Variants in PSMC5 observed in about 807,000 individuals in gnomAD.
PSMC5 encodes 26S proteasome regulatory subunit 8.
In PSMC5, 11 loss-of-function variants were observed where a neutral mutation model predicts 49.1. The observed-to-expected ratio is 0.22, with a 90% CI of 0.14 to 0.37. The LOEUF is 0.37. PSMC5 is among the 10% of genes least tolerant of loss of function. The probability of loss-of-function intolerance (pLI) is 1.00; values close to 1 mark genes in which losing one functional copy is unlikely to be tolerated. For synonymous variants in PSMC5, 206 were observed against 192.2 expected, an observed-to-expected ratio of 1.07 and a Z score of -0.59; for missense variants, 229 against 520.9, an observed-to-expected ratio of 0.44 and a Z score of 5.45.
At chr17:63,827,728 G>A (rs555128620) in intron 1 of PSMC5, 19 of 1,435,610 alleles carry the variant, frequency 1.3e-5, no homozygotes, top group Non-Finnish European at 1.6e-5. Context: ...GGTAGAAGCG[G>A]AGTGAGTGAG....
Position 63,829,856 on chromosome 17 carries a change from C to A in PSMC5, c.171C>A (p.Arg57=). 6.2e-7 allele frequency: 1 copy of A among 1,614,136 alleles called. No homozygotes were observed. Among genetic ancestry groups the A allele is most frequent in the Admixed American group, 1.7e-5 (1 of 60,014 alleles). Residue 57 remains arginine (R), a synonymous_variant, in exon 4 of 12, where the codon CGC becomes CGA. Transcript: ENST00000310144. The part of the protein sequence containing the change: ...AQRNELNAKV[R]LLREELQLLQ... Reference sequence around the variant, plus strand: ...CTGTGTCTGTTTGCCATCTAGTTCGCCTATTGCGGGAGGAGCTACAGCTGC... The same window carrying A: ...CTGTGTCTGTTTGCCATCTAGTTCGACTATTGCGGGAGGAGCTACAGCTGC...
rs2040171579 is a variant in PSMC5, at chr17:63,830,620, T to C, written c.552+119T>C. On this transcript the variant is annotated intron_variant, in intron 6 of 11. Transcript: ENST00000310144. This position sits in a 1 kb window ranked among gnomAD's most constrained non-coding sequence, Gnocchi z 4.0. ...GGCTGCATCTTGCTTGGGCTGGCCC[T>C]CCCCCTGAAAAGAGTGGCTGGGGAA... 6.7e-7 allele frequency: 1 copy of C among 1,490,376 alleles called. No individual in the cohort carries two copies. 92.3% of individuals were successfully genotyped at this position (1,490,376 alleles called of 1,614,324 possible).
Position 63,832,016 on chromosome 17 carries a change from A to C in PSMC5, c.*47A>C. 1 of 1,557,404 alleles carries C rather than the reference A, an allele frequency of 6.4e-7. No homozygotes were observed. The highest frequency in any genetic ancestry group is 8.9e-7 in the Non-Finnish European group (1 of 1,128,470). On this transcript the variant is annotated 3_prime_UTR_variant, in exon 12 of 12. Transcript: ENST00000310144. ...CTCTCCAATAAAGCTCTGTGGGCCA[A>C]GTCCTCTAGGACTCCAGTCTGTTAA...
At chr17:63,829,978 C>G (rs1370071589) in intron 4 of PSMC5, 29 bp downstream of exon 4, 1 of 1,590,564 alleles carries the variant, frequency 6.3e-7, no homozygotes, top group African/African-American at 1.3e-5. Context: ...CAGGGACCAG[C>G]TCGGTCTCCA....
Position 63,828,105 on chromosome 17 carries a change from A to AC in PSMC5, c.25-31dup, listed in dbSNP as rs768305997. On this transcript the variant is annotated intron_variant, in intron 1 of 11. Coordinates refer to ENST00000310144, the MANE Select transcript of PSMC5 (RefSeq NM_002805.6). ...GTGGCTTTACCCCCTCGGATGTTTAACCTGTCGTTTAAGACTCACTCTGTG... is the reference window on the plus strand; with the variant it reads ...GTGGCTTTACCCCCTCGGATGTTTAACCCTGTCGTTTAAGACTCACTCTGTG... 1.7e-5 allele frequency: 27 copies of AC among 1,613,202 alleles called. No individual in the cohort carries two copies. In the Admixed American group the frequency reaches 4.5e-4, roughly 27 times the overall value.
intron 2 of PSMC5, 108 bp from the exon 3 acceptor site, chr17:63,829,386 C>T: frequency 2.1e-6 from 2 of 942,084 alleles, no homozygotes; most frequent in African/African-American, 1.6e-5. Context: ...ATGCAGGTGC[C>T]CTGTGCCCTT....
Position 63,831,681 on chromosome 17 carries a change from G to A in PSMC5, c.1081-43G>A. 3.1e-6 allele frequency: 5 copies of A among 1,613,598 alleles called. No individual in the cohort carries two copies. The South Asian group carries it at 3.3e-5, about 11-fold the overall frequency. ...AGCTCTGGGCTCAAGGGCCACAGAT[G>A]AGGGGCACAGCAGTGGGGCCTCAAT... On this transcript the variant is annotated intron_variant, in intron 10 of 11. Transcript: ENST00000310144. This position sits in a 1 kb window ranked among gnomAD's most constrained non-coding sequence, Gnocchi z 6.3.
chr17:63,829,744 C>T lies in PSMC5; in HGVS notation c.167-108C>T, dbSNP rs945770160. 9.0e-6 allele frequency: 12 copies of T among 1,340,416 alleles called. No homozygotes were observed. The African/African-American group carries it at 1.6e-4, about 18-fold the overall frequency. The allele number at this position is 1,340,416 out of a possible 1,614,324, so 83.0% of individuals were successfully genotyped here. A position where few individuals can be genotyped will look rare whatever the true frequency, so the allele number is the denominator to read the frequency against. ...CCTCCTTAAATACATGAATTTTGAC[C>T]TTTGGCCTTCCTTTAATAAGAGTGA... On this transcript the variant is annotated intron_variant, in intron 3 of 11. Coordinates refer to ENST00000310144, the MANE Select transcript of PSMC5 (RefSeq NM_002805.6).
intron 2 of PSMC5, 52 bp from the exon 3 acceptor site, chr17:63,829,442 T>G: frequency 6.6e-7 from 1 of 1,520,120 alleles, no homozygotes. Flanking sequence ...AGATCCTACC[T>G]CCTCCTGTCT....
chr17:63,829,087 G>T, intron 2 of PSMC5: 1 of 181,108 alleles, frequency 5.5e-6, no homozygotes, highest in East Asian at 1.5e-4. Flanking sequence ...TTTGGTAACA[G>T]ATCTAGATTT....
In PSMC5 at chr17:63,831,961, T is replaced by C; in HGVS notation, c.1213T>C (p.Trp405Arg). The change falls in exon 12 of 12, where the codon TGG becomes CGG. Residue 405 changes from tryptophan to arginine, a missense_variant. Physicochemically the swap from Trp to Arg is moderately radical, Grantham distance 101 (BLOSUM62 -3). Transcript: ENST00000310144. The surrounding 1 kb of genome is among the most constrained non-coding windows in gnomAD (Gnocchi z 6.3). The part of the protein sequence containing the change: ...SEKNMSIKKL[W>R]K ...GAAAAACATGTCCATCAAGAAATTA[T>C]GGAAGTGAGTGGACAGCCTTTGTGT... 1 of 1,613,738 alleles carries C rather than the reference T, an allele frequency of 6.2e-7. No individual in the cohort carries two copies. The highest frequency in any genetic ancestry group is 8.5e-7 in the Non-Finnish European group (1 of 1,179,622).
At position 63,831,859 on chromosome 17, in the gene PSMC5, TG is replaced by T; in HGVS notation, c.1167+52del. On this transcript the variant is annotated intron_variant, in intron 11 of 11. Transcript: ENST00000310144. This position sits in a 1 kb window ranked among gnomAD's most constrained non-coding sequence, Gnocchi z 6.3. Reference sequence around the variant, plus strand: ...TTTGCCAGTGGTGGCTCTGGGGCAGTGGGCTAGGGCATGTGTGTGTTCGTAA... The same window carrying T: ...TTTGCCAGTGGTGGCTCTGGGGCAGTGGCTAGGGCATGTGTGTGTTCGTAA... 1 of 1,612,792 alleles carries T rather than the reference TG, an allele frequency of 6.2e-7. No individual in the cohort carries two copies. The highest frequency in any genetic ancestry group is 8.5e-7 in the Non-Finnish European group (1 of 1,178,832).
Position 63,830,002 on chromosome 17 carries a change from CCTTT to C in PSMC5, c.264+54_264+57del. The stretch of plus-strand genomic sequence containing the variant: ...GCTCGGTCTCCACTGCATTCCCACC[CCTTT>C]GTGTGTAGCCTCGGGAGACAGGGTT... On this transcript the variant is annotated intron_variant, in intron 4 of 11. Transcript: ENST00000310144. This position sits in a 1 kb window ranked among gnomAD's most constrained non-coding sequence, Gnocchi z 4.0. 6.4e-7 allele frequency: 1 copy of C among 1,571,844 alleles called. No individual in the cohort carries two copies. The highest frequency in any genetic ancestry group is 1.7e-5 in the Admixed American group (1 of 57,196).
Position 63,827,466 on chromosome 17 carries a change from C to T in PSMC5, c.-25C>T, listed in dbSNP as rs971779622. ...TTGCGCGCCAAGACGGCTCGGATGC[C>T]GGCGGTCTCTGCTGAAGAGAGAAGA... On this transcript the variant is annotated 5_prime_UTR_variant, in exon 1 of 12. Transcript: ENST00000310144. 1.3e-5 allele frequency: 20 copies of T among 1,551,712 alleles called. No individual in the cohort carries two copies. The highest frequency in any genetic ancestry group is 2.4e-5 in the South Asian group (2 of 84,060).
chr17:63,831,740 C>G lies in PSMC5; in HGVS notation c.1097C>G (p.Ala366Gly). 1 of 1,614,196 alleles carries G rather than the reference C, an allele frequency of 6.2e-7. No individual in the cohort carries two copies. Residue 366 changes from alanine to glycine, a missense_variant, in exon 11 of 12, where the codon GCT becomes GGT. Ala to Gly is a moderately conservative substitution (Grantham distance 60). This residue lies in a region of PSMC5 where 121 missense variants were observed against 330.6 expected (regional missense o/e 0.37). Coordinates refer to ENST00000310144, the MANE Select transcript of PSMC5 (RefSeq NM_002805.6). The surrounding 1 kb of genome is among the most constrained non-coding windows in gnomAD (Gnocchi z 6.3). ...GAEVKGVCTE[A>G]GMYALRERRV... ...CCTGTTCAGGGCGTGTGCACAGAAGCTGGCATGTATGCCCTGCGAGAACGG... is the reference window on the plus strand; with the variant it reads ...CCTGTTCAGGGCGTGTGCACAGAAGGTGGCATGTATGCCCTGCGAGAACGG...
Position 63,830,393 on chromosome 17 carries a change from T to A in PSMC5, c.444T>A (p.Tyr148Ter). The A allele has an allele frequency of 6.3e-7, 1 of 1,593,634 alleles. No individual in the cohort carries two copies. Among genetic ancestry groups the A allele is most frequent in the Non-Finnish European group, 8.6e-7 (1 of 1,162,110 alleles). Residue 148 changes from tyrosine to a stop codon, truncating the protein, a stop_gained, in exon 6 of 12, where the codon TAT becomes TAA. Coordinates refer to ENST00000310144, the MANE Select transcript of PSMC5 (RefSeq NM_002805.6). LOFTEE classifies it high-confidence loss of function. The surrounding 1 kb of genome is among the most constrained non-coding windows in gnomAD (Gnocchi z 4.0). The stretch of plus-strand genomic sequence containing the variant: ...TGGAGAAAGTACCAGATTCAACTTA[T>A]GAGATGATTGGTGGACTGGACAAAC... ...MMVEKVPDST[Y>*]EMIGGLDKQI...
rs1330810970 is a variant in PSMC5 at position 63,827,624 on chromosome 17, C to T, written c.24+110C>T. The T allele has an allele frequency of 2.6e-6, 4 of 1,545,558 alleles. No homozygotes were observed. In the East Asian group the frequency reaches 7.3e-5, roughly 28 times the overall value. ...GGAGCGTCGGGTGGGTCGGAGGTGC[C>T]TGGACCAGTCCATGCTGGACGCTGC... On this transcript the variant is annotated intron_variant, in intron 1 of 11. Transcript: ENST00000310144.
chr17:63,827,664 G>T, intron 1 of PSMC5, 150 bp downstream of exon 1: 1 of 1,486,560 alleles, frequency 6.7e-7, no homozygotes, highest in Non-Finnish European at 9.0e-7. Flanking sequence ...GACCGGATCT[G>T]CTGTGTCAGC....
chr17:63,829,961 A>G lies in PSMC5; in HGVS notation c.264+12A>G, dbSNP rs760715701. Reference sequence around the variant, plus strand: ...AAGTGTTGGTCAAGGTAAAAGCAGCATGACCCCAGGGACCAGCTCGGTCTC... The same window carrying G: ...AAGTGTTGGTCAAGGTAAAAGCAGCGTGACCCCAGGGACCAGCTCGGTCTC... On this transcript the variant is annotated intron_variant, in intron 4 of 11. Coordinates refer to ENST00000310144, the MANE Select transcript of PSMC5 (RefSeq NM_002805.6). 6 of 1,603,068 alleles carry G rather than the reference A, an allele frequency of 3.7e-6. No individual in the cohort carries two copies. The African/African-American group carries it at 8.0e-5, about 21-fold the overall frequency.
Sources: allele counts gnomAD v4.1 joint callset, GRCh38; gene constraint gnomAD v4.1.1; regional missense constraint gnomAD v4.1.1; non-coding constraint Gnocchi (gnomAD v3.1); transcripts MANE v1.5; gene names NCBI Gene and HGNC (gene_info 2026-07-23, HGNC 2026-07-21).